Variants in DHX16 observed in about 807,000 individuals in gnomAD.
The protein encoded by DHX16 is pre-mRNA-splicing factor ATP-dependent RNA helicase DHX16.
DHX16 carries 81 observed loss-of-function variants against 131.2 expected under a neutral mutation model. That is an observed-to-expected ratio of 0.62 (90% CI 0.52 to 0.74). DHX16 has a LOEUF of 0.74. Among genes scored for constraint, DHX16 ranks in the 30% least tolerant of loss-of-function variants. The probability of loss-of-function intolerance (pLI) is 0.00; values close to 1 mark genes in which losing one functional copy is unlikely to be tolerated. For synonymous variants in DHX16, 440 were observed against 520.2 expected, an observed-to-expected ratio of 0.85 and a Z score of 2.10; for missense variants, 980 against 1,363.1, an observed-to-expected ratio of 0.72 and a Z score of 4.43.
At chr6:30,653,430 G>A (rs1424822121) in intron 19 of DHX16, 60 bp from the exon 20 acceptor site, 3 of 1,531,630 alleles carry the variant, frequency 2.0e-6, no homozygotes, top group Non-Finnish European at 1.8e-6. Flanking sequence ...TTTTGTTGTT[G>A]TTATTTTTTT....
In DHX16 at chr6:30,665,736, G is replaced by C; in HGVS notation, c.667-3C>G. The C allele has an allele frequency of 1.2e-6, 2 of 1,607,696 alleles. No individual in the cohort carries two copies. The highest frequency in any genetic ancestry group is 1.7e-6 in the Non-Finnish European group (2 of 1,179,664). On this transcript the variant is annotated splice_polypyrimidine_tract_variant and splice_region_variant and intron_variant, in intron 4 of 19. Transcript: ENST00000376442. The surrounding 1 kb of genome is among the most constrained non-coding windows in gnomAD (Gnocchi z 4.8). ...GATTTCTTCCGCAGCTCAGGGACCT[G>C]AGTTGGGAAAGGACAGTCGAATCCT...
chr6:30,670,892 A>C lies in DHX16; in HGVS notation c.507T>G (p.Arg169=). ...GCTCCTCCAGGTCCTGAAGGCGTTC[A>C]CGCTCTGTCCGTTCCCACTCATCTT... ...ESEDEWERTE[R]ERLQDLEERD... The change falls in exon 3 of 20, where the codon CGT becomes CGG. Residue 169 remains arginine, a synonymous_variant. Transcript: ENST00000376442. The surrounding 1 kb of genome is among the most constrained non-coding windows in gnomAD (Gnocchi z 4.4). The C allele has an allele frequency of 1.2e-6, 2 of 1,613,010 alleles. No homozygotes were observed. Among genetic ancestry groups the C allele is most frequent in the Non-Finnish European group, 1.7e-6 (2 of 1,180,024 alleles).
At position 30,656,170 on chromosome 6, in the gene DHX16, G is replaced by A. The variant is rs1255355619; in HGVS notation, c.2498+28C>T. 1.6e-5 allele frequency: 26 copies of A among 1,609,132 alleles called. No individual in the cohort carries two copies. Among genetic ancestry groups the A allele is most frequent in the Non-Finnish European group, 2.0e-5 (24 of 1,178,244 alleles). On this transcript the variant is annotated intron_variant, in intron 16 of 19. Transcript: ENST00000376442. This position sits in a 1 kb window ranked among gnomAD's most constrained non-coding sequence, Gnocchi z 5.1. Reference sequence around the variant, plus strand: ...AGGAGGCCTGGCCTGTTTGTGTGCTGGGGGCCCAGGTGGAGGCGAGGGCTT... The same window carrying A: ...AGGAGGCCTGGCCTGTTTGTGTGCTAGGGGCCCAGGTGGAGGCGAGGGCTT...
In DHX16 at chr6:30,670,352, T is replaced by C; in HGVS notation, c.666+58A>G. 6.6e-7 allele frequency: 1 copy of C among 1,517,484 alleles called. No homozygotes were observed. Among genetic ancestry groups the C allele is most frequent in the Middle Eastern group, 1.7e-4 (1 of 5,904 alleles). 94.0% of individuals were successfully genotyped at this position (1,517,484 alleles called of 1,614,324 possible). On this transcript the variant is annotated intron_variant, in intron 4 of 19. Transcript: ENST00000376442. This position sits in a 1 kb window ranked among gnomAD's most constrained non-coding sequence, Gnocchi z 4.4. Reference sequence around the variant, plus strand: ...CTGTATCCTCTCTCCCTATACACTCTATCAGAAAGTCTTTCCTTTTGTCTT... The same window carrying C: ...CTGTATCCTCTCTCCCTATACACTCCATCAGAAAGTCTTTCCTTTTGTCTT...
In DHX16 at chr6:30,662,038, T is replaced by C. The variant is rs1768566058; in HGVS notation, c.1544+589A>G. Reference sequence around the variant, plus strand: ...TGAATCCCTTTTCCCCCTCAACACATGTTCAACCAACCCCTGCTTGGCCAT... The same window carrying C: ...TGAATCCCTTTTCCCCCTCAACACACGTTCAACCAACCCCTGCTTGGCCAT... On this transcript the variant is annotated intron_variant, in intron 9 of 19. Coordinates refer to ENST00000376442, the MANE Select transcript of DHX16 (RefSeq NM_003587.5). The surrounding 1 kb of genome is among the most constrained non-coding windows in gnomAD (Gnocchi z 4.7). The C allele has an allele frequency of 1.7e-6, 1 of 603,956 alleles. No individual in the cohort carries two copies. The highest frequency in any genetic ancestry group is 3.0e-6 in the Non-Finnish European group (1 of 333,672). The allele number at this position is 603,956 out of a possible 1,614,324, so 37.4% of individuals were successfully genotyped here.
chr6:30,664,775 C>A, intron 7 of DHX16, 26 bp downstream of exon 7: 1 of 1,590,656 alleles, frequency 6.3e-7, no homozygotes, highest in Non-Finnish European at 8.6e-7. Flanking sequence ...GGTGCCCTGG[C>A]AAGCTGAAGG....
rs139929150 is a variant in DHX16 at position 30,667,140 on chromosome 6, C to T, written c.667-1407G>A. On this transcript the variant is annotated intron_variant, in intron 4 of 19. Transcript: ENST00000376442. ...CCAGTGAAATGACTGTTACAGCAAA[C>T]GCCTTACTCTAAAAATTCGTATTTA... Among the ~76,000 whole-genome samples, 12 of 152,198 alleles carry T rather than the reference C, an allele frequency of 7.9e-5. No homozygotes were observed. In the East Asian group the frequency reaches 2.1e-3, roughly 27 times the overall value.
In DHX16 at chr6:30,655,555, G is replaced by C. The variant is rs1767902833; in HGVS notation, c.2541C>G (p.Leu847=). The change falls in exon 17 of 20, where the codon CTC becomes CTG. Residue 847 remains leucine (L), a synonymous_variant. Transcript: ENST00000376442. ...SEEILTVAAM[L]SVNNSIFYRP... ...GGTAGAAGATGGAGTTGTTGACAGA[G>C]AGCATGGCAGCCACTGTCAGGATCT... The C allele has an allele frequency of 6.2e-7, 1 of 1,613,078 alleles. No homozygotes were observed. Among genetic ancestry groups the C allele is most frequent in the Non-Finnish European group, 8.5e-7 (1 of 1,180,040 alleles).
At chr6:30,660,280 T>G in intron 9 of DHX16, 38 bp from the exon 10 acceptor site, 1 of 1,477,432 alleles carries the variant, frequency 6.8e-7, no homozygotes, top group Non-Finnish European at 9.1e-7. Context: ...GGAAGAGCGC[T>G]AGGCAATGCA....
rs1207895365 is a variant in DHX16 at position 30,664,891 on chromosome 6, C to T, written c.1227G>A (p.Leu409=). 1.2e-6 allele frequency: 2 copies of T among 1,613,428 alleles called. No homozygotes were observed. The highest frequency in any genetic ancestry group is 3.3e-5 in the Admixed American group (2 of 60,022). The change falls in exon 7 of 20, where the codon CTG becomes CTA. Residue 409 remains leucine (L), a synonymous_variant. Transcript: ENST00000376442. ...GGACTTGGTGATTTGCAATAGCAGC[C>T]AGGAGCTCCTCTCGAAATGGGAACA... ...LPVFPFREEL[L]AAIANHQVLI...
At chr6:30,664,689 G>T in intron 7 of DHX16, 112 bp downstream of exon 7, 1 of 952,476 alleles carries the variant, frequency 1.0e-6, no homozygotes. Flanking sequence ...TCACAATTTA[G>T]TGGAAAAGAT....
rs766205217 is a variant in DHX16 at position 30,672,878 on chromosome 6, C to CG, written c.-38dup. 6.2e-7 allele frequency: 1 copy of CG among 1,607,674 alleles called. No homozygotes were observed. ...CTCCCTGCTCCCGGCCCTGAAGCGT[C>CG]GGGCAGCCGCGCTCACTGCTGGGCC... is the stretch of plus-strand genomic sequence containing the variant. On this transcript the variant is annotated 5_prime_UTR_variant, in exon 1 of 20. Transcript: ENST00000376442.
rs780150261 is a variant in DHX16 at position 30,656,289 on chromosome 6, G to C, written c.2431-24C>G. Reference sequence around the variant, plus strand: ...GACTAAGGAGAAGAGAGAGAGAGTTGAGCCCAGTCCTCCCTCAGGTTTCCC... The same window carrying C: ...GACTAAGGAGAAGAGAGAGAGAGTTCAGCCCAGTCCTCCCTCAGGTTTCCC... On this transcript the variant is annotated intron_variant, in intron 15 of 19. Coordinates refer to ENST00000376442, the MANE Select transcript of DHX16 (RefSeq NM_003587.5). The surrounding 1 kb of genome is among the most constrained non-coding windows in gnomAD (Gnocchi z 5.1). The C allele has an allele frequency of 2.5e-6, 4 of 1,613,498 alleles. No individual in the cohort carries two copies. The highest frequency in any genetic ancestry group is 2.2e-5 in the East Asian group (1 of 44,878).
chr6:30,657,192 G>A, intron 12 of DHX16, 100 bp from the exon 13 acceptor site: 1 of 1,265,720 alleles, frequency 7.9e-7, no homozygotes, highest in Non-Finnish European at 1.1e-6. Flanking sequence ...GTTGCAGTAA[G>A]GGGCAGGAGC....
chr6:30,667,754 T>C (rs1769182372), intron 4 of DHX16, among the ~76,000 whole-genome samples: 1 of 152,090 alleles, frequency 6.6e-6, no homozygotes, highest in Non-Finnish European at 1.5e-5. Context: ...TATGACATAA[T>C]ATGAAGTGCA....
intron 19 of DHX16, among the ~76,000 whole-genome samples, chr6:30,653,896 C>CATTT (rs1767702668): frequency 6.6e-6 from 1 of 152,108 alleles, no homozygotes; most frequent in African/African-American, 2.4e-5. Flanking sequence ...CCGTGGCAGG[C>CATTT]GGATCATGAG....
In DHX16 at chr6:30,655,446, C is replaced by T. The variant is rs764604860; in HGVS notation, c.2650G>A (p.Val884Ile). The T allele has an allele frequency of 6.2e-7, 1 of 1,613,812 alleles. No homozygotes were observed. The highest frequency in any genetic ancestry group is 1.1e-5 in the South Asian group (1 of 91,084). Residue 884 changes from valine (V) to isoleucine (I), a missense_variant, in exon 17 of 20, where the codon GTT (valine) becomes ATT (isoleucine). Physicochemically the swap from Val to Ile is conservative, Grantham distance 29. This residue lies in a region of DHX16 where 214 missense variants were observed against 271.2 expected (regional missense o/e 0.79). Transcript: ENST00000376442. The stretch of plus-strand genomic sequence containing the variant: ...CCAAGCCCAGTGACCTGTGTGTAAA[C>T]ATTTAGCAGAACCAGGTGGTCACCG... ...PGGDHLVLLNVYTQWAESGYS... is the reference protein window; with the variant it reads ...PGGDHLVLLNIYTQWAESGYS...
In DHX16 at chr6:30,672,629, C is replaced by G. The variant is rs1424018149; in HGVS notation, c.207+6G>C. The stretch of plus-strand genomic sequence containing the variant: ...TCACAGGGCCCCTCCCCACCCCTGC[C>G]GACACCTTGTTCCAGAGTCTCAGGG... On this transcript the variant is annotated splice_donor_region_variant and intron_variant, in intron 1 of 19. Transcript: ENST00000376442. 6.2e-7 allele frequency: 1 copy of G among 1,605,998 alleles called. No homozygotes were observed. The highest frequency in any genetic ancestry group is 8.5e-7 in the Non-Finnish European group (1 of 1,174,178).
Position 30,655,269 on chromosome 6 carries a change from C to G in DHX16, c.2729G>C (p.Arg910Pro). Residue 910 changes from arginine to proline, a missense_variant, in exon 18 of 20, where the codon CGA (arginine) becomes CCA (proline). Transcript: ENST00000376442. ...CAGCTGTTCCCGCACATCCCGGGCTCGGCGCATCGATCTGAACTGTACAAA... is the reference window on the plus strand; with the variant it reads ...CAGCTGTTCCCGCACATCCCGGGCTGGGCGCATCGATCTGAACTGTACAAA... ...ENFVQFRSMR[R>P]ARDVREQLEG... is the part of the protein sequence containing the mutation. The G allele has an allele frequency of 6.2e-7, 1 of 1,614,170 alleles. No individual in the cohort carries two copies.
Sources: allele counts gnomAD v4.1 joint callset (sites outside exome capture counted in the v4.1 genomes callset), GRCh38; gene constraint gnomAD v4.1.1; regional missense constraint gnomAD v4.1.1; non-coding constraint Gnocchi (gnomAD v3.1); transcripts MANE v1.5; gene names NCBI Gene and HGNC (gene_info 2026-07-23, HGNC 2026-07-21).